Variants in FRMPD4 observed in about 807,000 individuals in gnomAD.
The protein encoded by FRMPD4 is FERM and PDZ domain containing 4.
FRMPD4 carries 22 observed loss-of-function variants against 94.1 expected under a neutral mutation model. The observed-to-expected ratio is 0.23, with a 90% CI of 0.17 to 0.33. The LOEUF (loss-of-function observed/expected upper bound fraction) is 0.33. Ranked by LOEUF, FRMPD4 falls within the 10% of genes least tolerant of loss-of-function variation. FRMPD4 has a pLI of 1.00. For missense variants in FRMPD4, 1,111 were observed against 1,339.9 expected (o/e 0.83, Z 2.67); for synonymous variants, 631 against 548.6 (o/e 1.15, Z -2.10).
intron 1 of FRMPD4, among the ~76,000 whole-genome samples, chrX:12,415,853 C>T (rs115160544): frequency 0.021 from 2,376 of 112,000 alleles, 47 homozygotes; most frequent in African/African-American, 0.062. Context: ...CTGCTGTTTA[C>T]GGTGATTCTG....
chrX:12,216,626 C>T (rs2056810233), intron 1 of FRMPD4, among the ~76,000 whole-genome samples: 1 of 111,614 alleles, frequency 9.0e-6, no homozygotes, highest in South Asian at 3.8e-4. Flanking sequence ...CTCTAGACAT[C>T]TTCATATCTC....
At chrX:12,284,990 T>C (rs1396906289) in intron 1 of FRMPD4, among the ~76,000 whole-genome samples, 1 of 112,109 alleles carries the variant, frequency 8.9e-6, no homozygotes, top group Non-Finnish European at 1.9e-5. Flanking sequence ...ATACTTGGCA[T>C]AGAATAAGTG....
chrX:12,267,016 T>A (rs1226515953), intron 1 of FRMPD4, among the ~76,000 whole-genome samples: 2 of 112,382 alleles, frequency 1.8e-5, no homozygotes, highest in African/African-American at 6.5e-5. Context: ...CTACAATTGG[T>A]CAAAATCATA....
chrX:11,851,372 A>C (rs1228404487), intron 1 of FRMPD4, among the ~76,000 whole-genome samples: 1 of 111,457 alleles, frequency 9.0e-6, no homozygotes, highest in Non-Finnish European at 1.9e-5. Flanking sequence ...TTGACAGATT[A>C]CTGGAAGAGT....
rs185055452 is a variant in FRMPD4 at position 12,590,065 on chromosome X, T to C, written c.159-19656T>C. ...TATATGAACTGAAACTGCAAAGGTT[T>C]ATTTATCTGCTTTAACTTTCATCTG... On this transcript the variant is annotated intron_variant, in intron 2 of 16. Coordinates refer to ENST00000675598, the MANE Select transcript of FRMPD4 (RefSeq NM_001368397.1). 8.8e-4 allele frequency among the ~76,000 whole-genome samples: 99 copies of C among 112,487 alleles called. 1 individual carries two copies. The highest frequency in any genetic ancestry group is 4.6e-3 in the Middle Eastern group (1 of 218).
intron 2 of FRMPD4, among the ~76,000 whole-genome samples, chrX:12,523,084 C>T (rs759558374): frequency 9.0e-6 from 1 of 111,699 alleles, no homozygotes; most frequent in African/African-American, 3.3e-5. Flanking sequence ...TTTTATTTTT[C>T]TTTCATTTTC....
At chrX:12,392,944 G>A (rs948501721) in intron 1 of FRMPD4, among the ~76,000 whole-genome samples, 3 of 112,017 alleles carry the variant, frequency 2.7e-5, no homozygotes, top group African/African-American at 9.7e-5. Flanking sequence ...TCCACCCTGG[G>A]TGACAAGAGC....
At chrX:12,572,252 G>A (rs1229879963) in intron 2 of FRMPD4, among the ~76,000 whole-genome samples, 1 of 112,191 alleles carries the variant, frequency 8.9e-6, no homozygotes, top group Non-Finnish European at 1.9e-5. Context: ...TTGCTTCCCA[G>A]ATAACTGTAA....
intron 5 of FRMPD4, among the ~76,000 whole-genome samples, chrX:12,675,355 G>T (rs1391320019): frequency 2.9e-5 from 3 of 103,225 alleles, no homozygotes; most frequent in Non-Finnish European, 5.9e-5. Flanking sequence ...TATGGTGTCA[G>T]AATTCGATTT....
chrX:12,416,632 G>C (rs2056804989), intron 1 of FRMPD4, among the ~76,000 whole-genome samples: 1 of 112,120 alleles, frequency 8.9e-6, no homozygotes, highest in Admixed American at 9.4e-5. Context: ...GAGTCGTGTG[G>C]TCGAAGGATA....
In FRMPD4 at chrX:12,716,246, A is replaced by T; in HGVS notation, c.1787A>T (p.Tyr596Phe). 8.3e-7 allele frequency: 1 copy of T among 1,210,411 alleles called. No homozygotes were observed. The highest frequency in any genetic ancestry group is 1.1e-6 in the Non-Finnish European group (1 of 894,230). The change falls in exon 15 of 17, where the codon TAC becomes TTC. Residue 596 changes from tyrosine to phenylalanine, a missense_variant. Tyr to Phe is a conservative substitution (Grantham distance 22). Coordinates refer to ENST00000675598, the MANE Select transcript of FRMPD4 (RefSeq NM_001368397.1). Reference protein sequence around the residue: ...TMCPKEHRHLYIDNAYSSDGL... With the variant: ...TMCPKEHRHLFIDNAYSSDGL... ...TGTCCAAAAGAGCACCGGCACTTGTACATAGACAATGCCTATAGTTCAGAT... is the reference window on the plus strand; with the variant it reads ...TGTCCAAAAGAGCACCGGCACTTGTTCATAGACAATGCCTATAGTTCAGAT...
chrX:12,250,438 A>G (rs1305230754), intron 1 of FRMPD4, among the ~76,000 whole-genome samples: 2 of 111,704 alleles, frequency 1.8e-5, no homozygotes, highest in Non-Finnish European at 3.8e-5. Flanking sequence ...ATGAATTCTT[A>G]AGTTACTTTT....
intron 1 of FRMPD4, among the ~76,000 whole-genome samples, chrX:12,284,037 T>C (rs2054564424): frequency 8.9e-6 from 1 of 112,126 alleles, no homozygotes; most frequent in Admixed American, 9.4e-5. Flanking sequence ...TTTCAGTAAA[T>C]TAATCTGTGG....
chrX:12,424,925 A>G (rs763111721), intron 1 of FRMPD4, among the ~76,000 whole-genome samples: 116 of 112,296 alleles, frequency 1.0e-3, no homozygotes, highest in African/African-American at 3.6e-3. Flanking sequence ...TTGCTTTGTC[A>G]AAGACGAGCC....
intron 2 of FRMPD4, among the ~76,000 whole-genome samples, chrX:12,593,075 G>A (rs2058997795): frequency 1.8e-5 from 2 of 111,471 alleles, no homozygotes; most frequent in South Asian, 3.8e-4. Context: ...TTCTCCTCCT[G>A]TGTTGGATCC....
At chrX:12,206,253 G>C (rs930553600) in intron 1 of FRMPD4, among the ~76,000 whole-genome samples, 2 of 112,274 alleles carry the variant, frequency 1.8e-5, no homozygotes, top group African/African-American at 6.5e-5. Flanking sequence ...AAAGGGCCTA[G>C]TATTGCATAG....
intron 1 of FRMPD4, among the ~76,000 whole-genome samples, chrX:11,826,123 A>G (rs1268233785): frequency 1.8e-5 from 2 of 112,460 alleles, no homozygotes; most frequent in African/African-American, 6.4e-5. Context: ...ATCTGAAATT[A>G]AACAGGACTG....
intron 1 of FRMPD4, among the ~76,000 whole-genome samples, chrX:12,260,672 G>T (rs1232293480): frequency 8.9e-6 from 1 of 112,115 alleles, no homozygotes; most frequent in African/African-American, 3.2e-5. Flanking sequence ...GTTATGTACC[G>T]ATCCAAGCTC....
rs370498923 is a variant in FRMPD4, at chrX:11,984,679, T to A, written c.95+106661T>A. ...TTAGGGCATGAACAAGATGAATGTTTGCCTCACAAATTGATGTGGATAGTC... is the reference window on the plus strand; with the variant it reads ...TTAGGGCATGAACAAGATGAATGTTAGCCTCACAAATTGATGTGGATAGTC... On this transcript the variant is annotated intron_variant, in intron 3 of 18. Transcript: ENST00000640291. Among the ~76,000 whole-genome samples the A allele has an allele frequency of 2.5e-4, 28 of 112,587 alleles. No individual in the cohort carries two copies. The East Asian group carries it at 7.2e-3, about 29-fold the overall frequency.
Sources: allele counts gnomAD v4.1 joint callset (sites outside exome capture counted in the v4.1 genomes callset), GRCh38; gene constraint gnomAD v4.1.1; transcripts MANE v1.5; gene names NCBI Gene and HGNC (gene_info 2026-07-23, HGNC 2026-07-21).